Variants in UBE2E2 observed in about 807,000 individuals in gnomAD.
UBE2E2 encodes ubiquitin conjugating enzyme E2 E2.
In UBE2E2, 6 loss-of-function variants were observed where a neutral mutation model predicts 24.7. The ratio of observed to expected loss-of-function variants is 0.24; its 90% CI spans 0.13 to 0.48. UBE2E2 has a LOEUF of 0.48. Ranked by LOEUF, UBE2E2 falls within the 20% of genes least tolerant of loss-of-function variation. UBE2E2 has a pLI of 0.99. For missense variants in UBE2E2, 169 were observed against 245.0 expected (o/e 0.69, Z 2.07); for synonymous variants, 104 against 83.6 (o/e 1.24, Z -1.33).
At chr3:23,403,078 A>G (rs1185697662) in intron 3 of UBE2E2, among the ~76,000 whole-genome samples, 1 of 152,228 alleles carries the variant, frequency 6.6e-6, no homozygotes, top group East Asian at 1.9e-4. Context: ...CTTGCTATGT[A>G]AATGGTTTGT....
At chr3:23,250,421 T>A (rs780017048) in intron 3 of UBE2E2, among the ~76,000 whole-genome samples, 1 of 152,200 alleles carries the variant, frequency 6.6e-6, no homozygotes, top group Non-Finnish European at 1.5e-5. Flanking sequence ...AGAGGTTGTT[T>A]TATGAACATG....
intron 3 of UBE2E2, among the ~76,000 whole-genome samples, chr3:23,385,557 A>G (rs1448247272): frequency 1.3e-5 from 2 of 152,324 alleles, no homozygotes; most frequent in East Asian, 3.9e-4. Flanking sequence ...TGTTAATGTC[A>G]GGTGTATCTC....
intron 3 of UBE2E2, among the ~76,000 whole-genome samples, chr3:23,393,216 A>T (rs1696988644): frequency 1.3e-5 from 2 of 152,194 alleles, no homozygotes; most frequent in Admixed American, 6.5e-5. Flanking sequence ...TATTTAGGGG[A>T]TAAAATAGAC....
At position 23,294,763 on chromosome 3, in the gene UBE2E2, CTTTAT is replaced by C. The variant is rs994216698; in HGVS notation, c.227+77458_227+77462del. On this transcript the variant is annotated intron_variant, in intron 3 of 5. Transcript: ENST00000396703. Reference sequence around the variant, plus strand: ...TTTGTATCTTTAGATTATTTTATTACTTTATTTTATTAGATATTTTTGTATCTTTA... The same window carrying C: ...TTTGTATCTTTAGATTATTTTATTACTTTATTAGATATTTTTGTATCTTTA... Among the ~76,000 whole-genome samples the C allele has an allele frequency of 3.4e-5, 5 of 146,810 alleles. No homozygotes were observed. In the South Asian group the frequency reaches 6.4e-4, roughly 19 times the overall value.
chr3:23,452,595 G>T (rs983620391), intron 3 of UBE2E2, among the ~76,000 whole-genome samples: 59 of 152,170 alleles, frequency 3.9e-4, no homozygotes, highest in African/African-American at 1.4e-3. Context: ...ACTGTAACTT[G>T]ATCCTAGTTA....
At chr3:23,482,338 A>G (rs1333657645) in intron 3 of UBE2E2, among the ~76,000 whole-genome samples, 2 of 152,220 alleles carry the variant, frequency 1.3e-5, no homozygotes, top group African/African-American at 2.4e-5. Flanking sequence ...ACCAAAAGCC[A>G]AAAAGTAAAC....
At chr3:23,369,578 C>T (rs1371374274) in intron 3 of UBE2E2, among the ~76,000 whole-genome samples, 1 of 152,134 alleles carries the variant, frequency 6.6e-6, no homozygotes, top group Admixed American at 6.6e-5. Context: ...TTCAGAACTA[C>T]CAAACCTGCT....
intron 3 of UBE2E2, chr3:23,271,179 G>A: frequency 2.5e-6 from 1 of 403,318 alleles, no homozygotes; most frequent in South Asian, 1.9e-5. Flanking sequence ...GAATTGGTGG[G>A]TTCTTGGTCT....
intron 3 of UBE2E2, among the ~76,000 whole-genome samples, chr3:23,286,462 A>G (rs1698616933): frequency 6.6e-6 from 1 of 151,974 alleles, no homozygotes. Context: ...TTCACTGTAG[A>G]TGTACAATTT....
intron 3 of UBE2E2, among the ~76,000 whole-genome samples, chr3:23,297,229 G>A (rs1698937856): frequency 1.3e-5 from 2 of 151,792 alleles, no homozygotes; most frequent in South Asian, 4.2e-4. Context: ...AGATGAGTAG[G>A]TTGCAAAAAT....
chr3:23,516,704 C>T (rs1240668120), intron 4 of UBE2E2, among the ~76,000 whole-genome samples: 1 of 151,984 alleles, frequency 6.6e-6, no homozygotes. Flanking sequence ...ATTTTTATGA[C>T]CAATAAAGGA....
intron 3 of UBE2E2, among the ~76,000 whole-genome samples, chr3:23,436,444 A>G (rs1474548554): frequency 6.6e-6 from 1 of 152,186 alleles, no homozygotes; most frequent in Non-Finnish European, 1.5e-5. Context: ...CGTACACTGT[A>G]GCATCTGTTG....
At chr3:23,215,695 T>G (rs886668480) in intron 2 of UBE2E2, among the ~76,000 whole-genome samples, 7 of 152,142 alleles carry the variant, frequency 4.6e-5, no homozygotes, top group Non-Finnish European at 7.4e-5. Flanking sequence ...TCTCACTCAT[T>G]GGTGACCACC....
chr3:23,379,831 T>C (rs945360150), intron 3 of UBE2E2, among the ~76,000 whole-genome samples: 1 of 152,100 alleles, frequency 6.6e-6, no homozygotes. Flanking sequence ...AAGGAAAATA[T>C]GCAAAGACCT....
chr3:23,323,506 C>G, intron 3 of UBE2E2: 1 of 435,862 alleles, frequency 2.3e-6, no homozygotes, highest in Middle Eastern at 3.4e-4. Context: ...TAATTCACAA[C>G]TTTTTCAGCA....
At chr3:23,504,735 C>T (rs79538659) in intron 4 of UBE2E2, among the ~76,000 whole-genome samples, 2,267 of 151,976 alleles carry the variant, frequency 0.015, 43 homozygotes, top group African/African-American at 0.051. Flanking sequence ...TATTTCTTTT[C>T]GTGAATAATA....
intron 3 of UBE2E2, among the ~76,000 whole-genome samples, chr3:23,440,602 T>C (rs1056864561): frequency 6.6e-6 from 1 of 152,110 alleles, no homozygotes; most frequent in African/African-American, 2.4e-5. Flanking sequence ...GCCAAACAAA[T>C]CTGTCAGGCT....
At chr3:23,376,500 G>A (rs17405137) in intron 3 of UBE2E2, among the ~76,000 whole-genome samples, 19,992 of 152,206 alleles carry the variant, frequency 0.13, 1,408 homozygotes, top group Middle Eastern at 0.2. Flanking sequence ...TATTAAAGGC[G>A]TTGCCCAATT....
rs1256177673 is a variant in UBE2E2, at chr3:23,589,319, C to T, written c.509-415C>T. On this transcript the variant is annotated intron_variant, in intron 5 of 5. Coordinates refer to ENST00000396703, the MANE Select transcript of UBE2E2 (RefSeq NM_152653.4). The surrounding 1 kb of genome is among the most constrained non-coding windows in gnomAD (Gnocchi z 4.1). ...CCTGTGGTCCCAGCTACTCAGGAGG[C>T]TGAGGCAGGAGGAGGATTGCTTGAT... 6.6e-6 allele frequency among the ~76,000 whole-genome samples: 1 copy of T among 151,720 alleles called. No individual in the cohort carries two copies. The highest frequency in any genetic ancestry group is 1.5e-5 in the Non-Finnish European group (1 of 67,952).
Sources: allele counts gnomAD v4.1 joint callset (sites outside exome capture counted in the v4.1 genomes callset), GRCh38; gene constraint gnomAD v4.1.1; non-coding constraint Gnocchi (gnomAD v3.1); transcripts MANE v1.5; gene names NCBI Gene and HGNC (gene_info 2026-07-23, HGNC 2026-07-21).